The following MAGI2 variants were observed in gnomAD, a reference collection of about 807,000 sequenced individuals.
MAGI2 encodes the protein membrane-associated guanylate kinase, WW and PDZ domain-containing protein 2.
Under a neutral mutation model 133.3 loss-of-function variants are expected in MAGI2, and 35 were observed. That is an observed-to-expected ratio of 0.26 (90% confidence interval 0.20 to 0.35). MAGI2 has a LOEUF of 0.35. MAGI2 is among the 10% of genes least tolerant of loss of function. The pLI is 1.00. For missense variants in MAGI2, 1,636 were observed against 1,863.4 expected (o/e 0.88, Z 2.25); for synonymous variants, 729 against 710.6 (o/e 1.03, Z -0.41).
At chr7:78,114,018 A>G (rs949529896) in intron 20 of MAGI2, among the ~76,000 whole-genome samples, 3 of 152,322 alleles carry the variant, frequency 2.0e-5, no homozygotes, top group East Asian at 1.9e-4. Context: ...GATCAAAGCT[A>G]TAGAGCAGCT....
At chr7:78,428,765 C>T (rs1799519253) in intron 6 of MAGI2, among the ~76,000 whole-genome samples, 1 of 152,136 alleles carries the variant, frequency 6.6e-6, no homozygotes, top group East Asian at 1.9e-4. Flanking sequence ...GTATATTTCT[C>T]TTCCCTCCAT....
intron 16 of MAGI2, among the ~76,000 whole-genome samples, chr7:78,136,529 A>AT (rs1822157379): frequency 1.3e-5 from 2 of 152,210 alleles, no homozygotes; most frequent in Admixed American, 6.5e-5. Context: ...ACCTACCAAG[A>AT]TAACTATTTA....
At chr7:79,075,254 G>T (rs1435643973) in intron 1 of MAGI2, among the ~76,000 whole-genome samples, 1 of 152,094 alleles carries the variant, frequency 6.6e-6, no homozygotes, top group Admixed American at 6.6e-5. Flanking sequence ...CTAACAGAGG[G>T]GAATGAAATT....
At chr7:79,226,045 G>A (rs1027610049) in intron 1 of MAGI2, among the ~76,000 whole-genome samples, 4 of 152,090 alleles carry the variant, frequency 2.6e-5, no homozygotes, top group Middle Eastern at 3.2e-3. Flanking sequence ...AGCCTGTTCT[G>A]TTTTTCAGGC....
intron 1 of MAGI2, among the ~76,000 whole-genome samples, chr7:79,324,225 ATC>A (rs1340187573): frequency 3.3e-5 from 5 of 151,730 alleles, no homozygotes; most frequent in Non-Finnish European, 7.4e-5. Context: ...GGTCATGCTA[ATC>A]TCTGTTTTGT....
At chr7:78,651,647 A>C (rs901167956) in intron 2 of MAGI2, among the ~76,000 whole-genome samples, 1 of 152,170 alleles carries the variant, frequency 6.6e-6, no homozygotes, top group Admixed American at 6.6e-5. Flanking sequence ...GATTATGTAT[A>C]TTCTATATGT....
intron 1 of MAGI2, among the ~76,000 whole-genome samples, chr7:79,392,457 T>G (rs1369552293): frequency 2.0e-5 from 3 of 152,216 alleles, no homozygotes; most frequent in Non-Finnish European, 4.4e-5. Context: ...GTGATTGAAC[T>G]AATTAACAAT....
chr7:79,129,651 A>G (rs1820734665), intron 1 of MAGI2, among the ~76,000 whole-genome samples: 1 of 152,214 alleles, frequency 6.6e-6, no homozygotes, highest in African/African-American at 2.4e-5. Context: ...GGATGCTTTA[A>G]ATACGATGCT....
intron 2 of MAGI2, among the ~76,000 whole-genome samples, chr7:78,668,932 G>A (rs55680216): frequency 0.36 from 53,949 of 151,594 alleles, 9,833 homozygotes; most frequent in Admixed American, 0.42. Flanking sequence ...TGCGCAGAGG[G>A]AAATTTATAG....
intron 1 of MAGI2, among the ~76,000 whole-genome samples, chr7:79,282,693 A>G (rs1406362198): frequency 1.3e-5 from 2 of 152,120 alleles, no homozygotes; most frequent in African/African-American, 4.8e-5. Flanking sequence ...AACGTTGGGC[A>G]AGGTGGCTTA....
At chr7:78,093,890 T>C (rs1439335413) in intron 20 of MAGI2, among the ~76,000 whole-genome samples, 2 of 152,222 alleles carry the variant, frequency 1.3e-5, no homozygotes, top group Non-Finnish European at 2.9e-5. Flanking sequence ...CATGGTTTTA[T>C]GCCAGGTACT....
chr7:78,219,745 G>A (rs1788624669), intron 10 of MAGI2, among the ~76,000 whole-genome samples: 1 of 152,158 alleles, frequency 6.6e-6, no homozygotes, highest in South Asian at 2.1e-4. Context: ...TTGCAAATTT[G>A]TCCATTCCAT....
intron 1 of MAGI2, among the ~76,000 whole-genome samples, chr7:79,019,568 A>T (rs1809079927): frequency 6.6e-6 from 1 of 150,582 alleles, no homozygotes. Context: ...TTTTTTTGAG[A>T]TGGAGTCTTG....
intron 15 of MAGI2, among the ~76,000 whole-genome samples, chr7:78,161,609 T>A (rs1401496539): frequency 7.9e-6 from 1 of 127,332 alleles, no homozygotes; most frequent in Admixed American, 9.8e-5. Flanking sequence ...CATTTTGAGA[T>A]GAAAAAGTCA....
chr7:78,726,559 G>A (rs1294704037), intron 2 of MAGI2, among the ~76,000 whole-genome samples: 1 of 152,136 alleles, frequency 6.6e-6, no homozygotes, highest in Non-Finnish European at 1.5e-5. Context: ...TTAGATAAAA[G>A]ATAGAAGGGC....
chr7:78,402,620 G>A (rs1475090087), intron 6 of MAGI2, among the ~76,000 whole-genome samples: 2 of 152,116 alleles, frequency 1.3e-5, no homozygotes, highest in African/African-American at 2.4e-5. Flanking sequence ...GTAGTGGTTG[G>A]TTTCTTCCTA....
intron 2 of MAGI2, among the ~76,000 whole-genome samples, chr7:78,951,267 C>A (rs936637788): frequency 6.6e-6 from 1 of 152,054 alleles, no homozygotes; most frequent in African/African-American, 2.4e-5. Flanking sequence ...CTGCCACACC[C>A]GGCTGATGTT....
intron 2 of MAGI2, among the ~76,000 whole-genome samples, chr7:78,922,351 C>A (rs1423896792): frequency 6.6e-6 from 1 of 151,266 alleles, no homozygotes; most frequent in African/African-American, 2.4e-5. Context: ...CCTGCCCCCA[C>A]CCCACAACAG....
At chr7:78,241,481 C>A (rs766742920) in intron 10 of MAGI2, among the ~76,000 whole-genome samples, 11 of 152,026 alleles carry the variant, frequency 7.2e-5, no homozygotes, top group Non-Finnish European at 1.5e-4. Flanking sequence ...ATTTGGGGGG[C>A]CCCCAAATTG....
Sources: gnomAD v4.1 joint callset for allele counts (sites outside exome capture counted in the v4.1 genomes callset) on GRCh38, gnomAD v4.1.1 for gene constraint, MANE v1.5 for transcripts, NCBI Gene and HGNC (gene_info 2026-07-23, HGNC 2026-07-21) for gene names.